Variants in PSMD11 observed in about 807,000 individuals in gnomAD.
PSMD11 encodes 26S proteasome non-ATPase regulatory subunit 11.
Under a neutral mutation model 62.3 loss-of-function variants are expected in PSMD11, and 5 were observed. That is an observed-to-expected ratio of 0.08 (90% confidence interval 0.04 to 0.17). PSMD11 has a LOEUF of 0.17. Among genes scored for constraint, PSMD11 ranks in the 10% least tolerant of loss-of-function variants. The pLI, the probability that PSMD11 is intolerant of heterozygous loss-of-function variation, is 1.00. For missense variants in PSMD11, 310 were observed against 512.9 expected (o/e 0.60, Z 3.82); for synonymous variants, 191 against 191.8 (o/e 1.00, Z 0.03).
In PSMD11 at chr17:32,483,118, C is replaced by A. The variant is rs1232107941; in HGVS notation, c.*2366C>A. On this transcript the variant is annotated 3_prime_UTR_variant, in exon 14 of 14. Transcript: ENST00000261712. ...TAGACCCGTGCTGTCCAATATGTAGCCGCTAGCCATGTGCAGCTGTCAGGC... is the reference window on the plus strand; with the variant it reads ...TAGACCCGTGCTGTCCAATATGTAGACGCTAGCCATGTGCAGCTGTCAGGC... The A allele has an allele frequency of 6.6e-6, 1 of 152,182 alleles. No homozygotes were observed. Among genetic ancestry groups the A allele is most frequent in the Non-Finnish European group, 1.5e-5 (1 of 68,048 alleles). The allele number at this position is 152,182 out of a possible 1,614,324, so 9.4% of individuals were successfully genotyped here.
At chr17:32,472,104 G>A (rs1021265326) in intron 6 of PSMD11, among the ~76,000 whole-genome samples, 1 of 152,128 alleles carries the variant, frequency 6.6e-6, no homozygotes, top group African/African-American at 2.4e-5. Context: ...CTAGGTTCAG[G>A]TGATCCACCT....
In PSMD11 at chr17:32,480,491, A is replaced by G. The variant is rs1162652219; in HGVS notation, c.1129A>G (p.Ile377Val). ...QMILDKKFHG[I>V]LDQGEGVLII... ...GGTTGCCCTTGTGTTTCTTGCAGGG[A>G]TTTTGGACCAGGGGGAGGGTGTCCT... is the stretch of plus-strand genomic sequence containing the variant. Residue 377 changes from isoleucine to valine, a missense_variant and splice_region_variant, in exon 13 of 14, where the codon ATT (isoleucine) becomes GTT (valine). Around this residue, in one of 6 missense-constraint regions of PSMD11, gnomAD observed 135 missense variants for 195.4 expected, o/e 0.69. Coordinates refer to ENST00000261712, the MANE Select transcript of PSMD11 (RefSeq NM_002815.4). The G allele has an allele frequency of 1.2e-6, 2 of 1,614,018 alleles. No individual in the cohort carries two copies. The highest frequency in any genetic ancestry group is 1.7e-6 in the Non-Finnish European group (2 of 1,180,010).
intron 3 of PSMD11, among the ~76,000 whole-genome samples, chr17:32,462,432 A>G (rs1173451783): frequency 1.3e-5 from 2 of 151,980 alleles, no homozygotes; most frequent in African/African-American, 4.8e-5. Context: ...CTTTTATTTT[A>G]GTTTTTGGTT....
At position 32,454,516 on chromosome 17, in the gene PSMD11, A is replaced by T. The variant is rs1280783020; in HGVS notation, c.215A>T (p.Tyr72Phe). ...ACAGAGCTTGGAGGACTCCTGAAGT[A>T]TGTACGACCCTTCTTGAATTCCATC... The part of the protein sequence containing the change: ...QAAELGGLLK[Y>F]VRPFLNSISK... The change falls in exon 3 of 14, where the codon TAT (tyrosine) becomes TTT (phenylalanine). Residue 72 changes from tyrosine (Y) to phenylalanine (F), a missense_variant. Tyr to Phe is a conservative substitution (Grantham distance 22, BLOSUM62 3). Around this residue, in one of 6 missense-constraint regions of PSMD11, gnomAD observed 50 missense variants for 94.4 expected, o/e 0.53. Transcript: ENST00000261712. 1.9e-6 allele frequency: 3 copies of T among 1,613,836 alleles called. No homozygotes were observed. The highest frequency in any genetic ancestry group is 1.7e-6 in the Non-Finnish European group (2 of 1,179,878).
intron 5 of PSMD11, among the ~76,000 whole-genome samples, chr17:32,466,035 G>A (rs917920934): frequency 9.9e-5 from 15 of 152,010 alleles, no homozygotes; most frequent in South Asian, 6.2e-4. Flanking sequence ...TCACTCTGTC[G>A]TCCAGGCTGG....
intron 2 of PSMD11, among the ~76,000 whole-genome samples, chr17:32,452,744 T>C (rs894064547): frequency 6.6e-6 from 1 of 152,174 alleles, no homozygotes; most frequent in Admixed American, 6.6e-5. Flanking sequence ...GTGTTACATA[T>C]CATGGCCAGA....
intron 6 of PSMD11, among the ~76,000 whole-genome samples, chr17:32,472,228 T>G (rs1908184177): frequency 6.6e-6 from 1 of 151,230 alleles, no homozygotes; most frequent in South Asian, 2.1e-4. Context: ...ACGTAGAGTT[T>G]TTTTTTTTTT....
chr17:32,444,595 C>T lies in PSMD11; in HGVS notation c.72C>T (p.Ile24=), dbSNP rs756853468. 1 of 1,611,892 alleles carries T rather than the reference C, an allele frequency of 6.2e-7. No homozygotes were observed. Among genetic ancestry groups the T allele is most frequent in the Non-Finnish European group, 8.5e-7 (1 of 1,179,350 alleles). Residue 24 remains isoleucine (I), a synonymous_variant, in exon 1 of 14, where the codon ATC becomes ATT. Coordinates refer to ENST00000261712, the MANE Select transcript of PSMD11 (RefSeq NM_002815.4). ...TCAGCACCGACCGGGAGGCCTCCAT[C>T]GACATCCTCCACTCCATCGGTAAAG... ...SLLSTDREAS[I]DILHSIVKRD... is the part of the protein sequence containing the mutation.
At chr17:32,451,567 G>A (rs923451408) in intron 2 of PSMD11, among the ~76,000 whole-genome samples, 2 of 152,186 alleles carry the variant, frequency 1.3e-5, no homozygotes, top group Non-Finnish European at 2.9e-5. Flanking sequence ...TGTATTCACT[G>A]TGTGCTGCAC....
chr17:32,459,462 T>TTCTGGGCTCAAGTGATCC (rs1392321629), intron 3 of PSMD11, among the ~76,000 whole-genome samples: 4 of 152,248 alleles, frequency 2.6e-5, no homozygotes, highest in African/African-American at 9.6e-5. Flanking sequence ...GGTCTCAAAC[T>TTCTGGGCTCAAGTGATCC]TCTGGGCTCA....
rs1259233242 is a variant in PSMD11 at position 32,482,628 on chromosome 17, G to A, written c.*1876G>A. The A allele has an allele frequency of 6.6e-6, 1 of 152,276 alleles. No homozygotes were observed. The highest frequency in any genetic ancestry group is 1.9e-4 in the East Asian group (1 of 5,198). 9.4% of individuals were successfully genotyped at this position (152,276 alleles called of 1,614,324 possible). A position where few individuals can be genotyped will look rare whatever the true frequency, so the allele number is the denominator to read the frequency against. On this transcript the variant is annotated 3_prime_UTR_variant, in exon 14 of 14. Coordinates refer to ENST00000261712, the MANE Select transcript of PSMD11 (RefSeq NM_002815.4). ...AGCATGGTCCAGTGAGCACATGTAA[G>A]TTTGGGCAGTAGATCCTCTGAGCCT... is the stretch of plus-strand genomic sequence containing the variant.
chr17:32,464,148 G>A (rs1347540164), intron 4 of PSMD11, 28 bp downstream of exon 4: 1 of 1,581,780 alleles, frequency 6.3e-7, no homozygotes. Flanking sequence ...ACTCATTTCA[G>A]GTCTCTAAGC....
intron 1 of PSMD11, chr17:32,445,521 C>G (rs1158993090): frequency 6.6e-6 from 1 of 152,228 alleles, no homozygotes; most frequent in Non-Finnish European, 1.5e-5. Context: ...CTTCCGGCAG[C>G]TTTCTGTTGG....
intron 2 of PSMD11, among the ~76,000 whole-genome samples, chr17:32,453,035 T>G (rs1907553354): frequency 6.6e-6 from 1 of 152,218 alleles, no homozygotes; most frequent in Non-Finnish European, 1.5e-5. Context: ...TGTTTTGTGT[T>G]TCAAAAAGGA....
intron 12 of PSMD11, 121 bp downstream of exon 12, chr17:32,480,318 C>T: frequency 6.8e-7 from 1 of 1,472,146 alleles, no homozygotes. Flanking sequence ...GTCCTGGCCC[C>T]TCTTCCCTGT....
At chr17:32,468,919 G>A in intron 5 of PSMD11, 80 bp from the exon 6 acceptor site, 6 of 1,265,770 alleles carry the variant, frequency 4.7e-6, no homozygotes, top group Non-Finnish European at 6.4e-6. Context: ...TTAATCCTGA[G>A]TGTTATGAGG....
chr17:32,473,770 A>T, intron 6 of PSMD11, 31 bp from the exon 7 acceptor site: 1 of 1,608,882 alleles, frequency 6.2e-7, no homozygotes, highest in Middle Eastern at 1.7e-4. Flanking sequence ...ATTATTTTAT[A>T]TGTTCTTATT....
At chr17:32,480,069 C>G (rs1474760370) in intron 11 of PSMD11, 77 bp from the exon 12 acceptor site, 1 of 1,551,618 alleles carries the variant, frequency 6.4e-7, no homozygotes, top group Non-Finnish European at 8.9e-7. Context: ...CCTAAGACCC[C>G]TCCAACAAAG....
chr17:32,468,148 T>A (rs893727588), intron 5 of PSMD11, among the ~76,000 whole-genome samples: 5 of 152,224 alleles, frequency 3.3e-5, no homozygotes, highest in African/African-American at 1.2e-4. Flanking sequence ...TTTTTATGGC[T>A]GCATAGTATT....
Sources: gnomAD v4.1 joint callset for allele counts (sites outside exome capture counted in the v4.1 genomes callset) on GRCh38, gnomAD v4.1.1 for gene constraint, gnomAD v4.1.1 regional missense constraint, MANE v1.5 for transcripts, NCBI Gene and HGNC (gene_info 2026-07-23, HGNC 2026-07-21) for gene names.